Variants in EFCAB11 observed in about 807,000 individuals in gnomAD.
EFCAB11 encodes the protein EF-hand calcium binding domain 11.
In EFCAB11, 14 loss-of-function variants were observed where a neutral mutation model predicts 23.0. That is an observed-to-expected ratio of 0.61 (90% CI 0.40 to 0.95). The LOEUF (loss-of-function observed/expected upper bound fraction) is 0.95. Among genes scored for constraint, EFCAB11 ranks in the 40% least tolerant of loss-of-function variants. EFCAB11 has a pLI of 0.00. For missense variants in EFCAB11, 198 were observed against 195.8 expected, an observed-to-expected ratio of 1.01 and a Z score of -0.07; for synonymous variants, 65 against 66.6, an observed-to-expected ratio of 0.98 and a Z score of 0.11.
rs367720005 is a variant in EFCAB11 at position 89,820,286 on chromosome 14, G to C, written c.411-22962C>G. Among the ~76,000 whole-genome samples, 5 of 151,716 alleles carry C rather than the reference G, an allele frequency of 3.3e-5. No individual in the cohort carries two copies. The South Asian group carries it at 1.0e-3, about 32-fold the overall frequency. On this transcript the variant is annotated intron_variant, in intron 5 of 5. Transcript: ENST00000316738. ...AGAGGTTTAATAACATCTTTCTAAA[G>C]CTCTCTCCAAAGGAGTTGGGAAGTC...
intron 5 of EFCAB11, among the ~76,000 whole-genome samples, chr14:89,891,048 C>A (rs1310938322): frequency 6.6e-6 from 1 of 152,156 alleles, no homozygotes; most frequent in African/African-American, 2.4e-5. Flanking sequence ...TCTAAACATA[C>A]CTTGAGTGAA....
chr14:89,902,009 G>C (rs1180948827), intron 5 of EFCAB11, among the ~76,000 whole-genome samples: 2 of 126,998 alleles, frequency 1.6e-5, no homozygotes, highest in Non-Finnish European at 3.0e-5. Flanking sequence ...TCCGATAAGG[G>C]CTACTCACCG....
intron 5 of EFCAB11, among the ~76,000 whole-genome samples, chr14:89,874,270 A>G (rs183551987): frequency 6.6e-6 from 1 of 152,320 alleles, no homozygotes; most frequent in Admixed American, 6.5e-5. Context: ...CCAAGTCCTG[A>G]GACTGCACAA....
At chr14:89,831,779 C>T (rs76328756) in intron 5 of EFCAB11, among the ~76,000 whole-genome samples, 23,102 of 152,180 alleles carry the variant, frequency 0.15, 2,322 homozygotes, top group East Asian at 0.51. Flanking sequence ...AGGATTGAAA[C>T]CTTTTAAAAA....
chr14:89,825,534 A>G lies in EFCAB11; in HGVS notation c.411-28210T>C, dbSNP rs899698259. ...ATCATAGAGAAAATAAACGAAACTAAAAGATGCCTCTTTAAAAAAATTAAT... is the reference window on the plus strand; with the variant it reads ...ATCATAGAGAAAATAAACGAAACTAGAAGATGCCTCTTTAAAAAAATTAAT... On this transcript the variant is annotated intron_variant, in intron 5 of 5. Transcript: ENST00000316738. Among the ~76,000 whole-genome samples the G allele has an allele frequency of 5.3e-5, 8 of 152,266 alleles. No homozygotes were observed. In the East Asian group the frequency reaches 1.3e-3, roughly 26 times the overall value.
chr14:89,943,295 G>A (rs1890857922), intron 3 of EFCAB11, among the ~76,000 whole-genome samples: 1 of 151,134 alleles, frequency 6.6e-6, no homozygotes, highest in Non-Finnish European at 1.5e-5. Flanking sequence ...ACCTAGGCTG[G>A]CGTGCAGTGG....
intron 3 of EFCAB11, among the ~76,000 whole-genome samples, chr14:89,944,245 C>A (rs1042978218): frequency 1.3e-5 from 2 of 152,172 alleles, no homozygotes; most frequent in Admixed American, 6.5e-5. Context: ...TGACAGCAGA[C>A]AAGAGAGAGC....
At chr14:89,920,127 G>A (rs1049321768) in intron 5 of EFCAB11, among the ~76,000 whole-genome samples, 4 of 152,156 alleles carry the variant, frequency 2.6e-5, no homozygotes, top group Non-Finnish European at 5.9e-5. Context: ...TAATTCCATA[G>A]GCAAGATGCG....
intron 5 of EFCAB11, among the ~76,000 whole-genome samples, chr14:89,913,382 T>C (rs1001757501): frequency 6.6e-6 from 1 of 152,212 alleles, no homozygotes; most frequent in Non-Finnish European, 1.5e-5. Flanking sequence ...AATAATGTCT[T>C]GGCATGGAGA....
intron 5 of EFCAB11, among the ~76,000 whole-genome samples, chr14:89,892,906 A>G (rs1325577013): frequency 6.6e-6 from 1 of 152,080 alleles, no homozygotes; most frequent in Admixed American, 6.5e-5. Flanking sequence ...TGTTTCAAAA[A>G]AAAAGAAAAG....
chr14:89,843,474 G>A lies in EFCAB11; in HGVS notation c.411-46150C>T, dbSNP rs953533637. ...TTCCGAATTTCCTTTGTAGAGATAC[G>A]GCTGTAGTATATAAAGAAAAATATG... On this transcript the variant is annotated intron_variant, in intron 5 of 5. Transcript: ENST00000316738. Among the ~76,000 whole-genome samples the A allele has an allele frequency of 2.6e-5, 4 of 152,016 alleles. 1 individual carries two copies. In the South Asian group the frequency reaches 6.2e-4, roughly 24 times the overall value.
intron 5 of EFCAB11, among the ~76,000 whole-genome samples, chr14:89,803,136 C>A (rs1885842623): frequency 6.6e-6 from 1 of 152,188 alleles, no homozygotes; most frequent in Non-Finnish European, 1.5e-5. Context: ...TTGGGGGACA[C>A]AATCACCCCA....
intron 5 of EFCAB11, among the ~76,000 whole-genome samples, chr14:89,918,793 C>CT (rs948406528): frequency 1.1e-4 from 17 of 151,746 alleles, no homozygotes; most frequent in Admixed American, 2.0e-4. Flanking sequence ...GAGAAGAACT[C>CT]TGAGTTCTGC....
intron 5 of EFCAB11, among the ~76,000 whole-genome samples, chr14:89,888,149 CAT>C (rs1174428032): frequency 2.0e-5 from 3 of 152,178 alleles, no homozygotes; most frequent in South Asian, 4.1e-4. Context: ...GCCCCAAATG[CAT>C]ATGTTAAAAC....
At chr14:89,937,517 A>G (rs887291125) in intron 3 of EFCAB11, among the ~76,000 whole-genome samples, 1 of 151,960 alleles carries the variant, frequency 6.6e-6, no homozygotes, top group Non-Finnish European at 1.5e-5. Flanking sequence ...GACTCTCTTC[A>G]TGTTCTATAA....
At chr14:89,877,527 C>A (rs1380214045) in intron 5 of EFCAB11, among the ~76,000 whole-genome samples, 1 of 152,150 alleles carries the variant, frequency 6.6e-6, no homozygotes, top group Non-Finnish European at 1.5e-5. Context: ...TTCTCTAATA[C>A]CATTTTCCAC....
At chr14:89,922,027 T>C (rs1890035360) in intron 5 of EFCAB11, among the ~76,000 whole-genome samples, 1 of 152,204 alleles carries the variant, frequency 6.6e-6, no homozygotes, top group Non-Finnish European at 1.5e-5. Flanking sequence ...TGTGTGGCTA[T>C]TAATAACTTC....
At chr14:89,892,508 A>G in intron 5 of EFCAB11, 5 of 1,292,298 alleles carry the variant, frequency 3.9e-6, no homozygotes, top group Non-Finnish European at 5.3e-6. Context: ...GGGGAATGTT[A>G]GTATCTCTCT....
intron 3 of EFCAB11, among the ~76,000 whole-genome samples, chr14:89,947,723 C>T (rs571724731): frequency 5.3e-4 from 80 of 152,262 alleles, no homozygotes; most frequent in African/African-American, 1.9e-3. Flanking sequence ...ACTCCTAAGT[C>T]TCCTTTGCCA....
Sources: gnomAD v4.1 joint callset for allele counts (sites outside exome capture counted in the v4.1 genomes callset) on GRCh38, gnomAD v4.1.1 for gene constraint, MANE v1.5 for transcripts, NCBI Gene and HGNC (gene_info 2026-07-23, HGNC 2026-07-21) for gene names.